SPON1: variants seen among roughly 807,000 people sequenced by gnomAD.
SPON1 encodes spondin-1.
Under a neutral mutation model 111.7 loss-of-function variants are expected in SPON1, and 52 were observed. That is an observed-to-expected ratio of 0.47 (90% confidence interval 0.37 to 0.59). SPON1 has a LOEUF of 0.59. Among genes scored for constraint, SPON1 ranks in the 20% least tolerant of loss-of-function variants. The pLI is 0.00. For missense variants in SPON1, 957 were observed against 1,068.5 expected, an observed-to-expected ratio of 0.90 and a Z score of 1.46; for synonymous variants, 410 against 395.8, an observed-to-expected ratio of 1.04 and a Z score of -0.43.
In SPON1 at chr11:14,182,319, G is replaced by A. The variant is rs538047451; in HGVS notation, c.825+46751G>A. Among the ~76,000 whole-genome samples, 10 of 152,286 alleles carry A rather than the reference G, an allele frequency of 6.6e-5. No homozygotes were observed. In the East Asian group the frequency reaches 9.6e-4, roughly 15 times the overall value. ...CCTGTAAGTCAAAATCCCATGGCGC[G>A]CTGTAGAAGACATCCCAGTAAGGCT... On this transcript the variant is annotated intron_variant, in intron 6 of 15. Transcript: ENST00000576479.
intron 6 of SPON1, among the ~76,000 whole-genome samples, chr11:14,142,426 C>T (rs1473705136): frequency 6.6e-6 from 1 of 152,202 alleles, no homozygotes; most frequent in African/African-American, 2.4e-5. Flanking sequence ...CCCCTCCTAT[C>T]CCCACTTGAC....
rs1847984931 is a variant in SPON1 at position 13,962,925 on chromosome 11, C to T, written c.21C>T (p.Pro7=). MRLSPA[P]LKLSRTPALL... ...CGAAGATGAGGCTGTCCCCGGCGCC[C>T]CTGAAGCTGAGCCGGACTCCGGCAC... The change falls in exon 1 of 16, where the codon CCC becomes CCT. Residue 7 remains proline (P), a synonymous_variant. Coordinates refer to ENST00000576479, the MANE Select transcript of SPON1 (RefSeq NM_006108.4). 3.2e-6 allele frequency: 5 copies of T among 1,559,400 alleles called. No homozygotes were observed. Among genetic ancestry groups the T allele is most frequent in the Non-Finnish European group, 4.3e-6 (5 of 1,156,454 alleles).
Position 14,260,674 on chromosome 11 carries a change from A to G in SPON1, c.1918A>G (p.Met640Val), listed in dbSNP as rs782307589. ...GAAGGGCATGCGAACCCGACAGCGGATGCTCAAGTCTCTGGCAGAACTTGG... is the reference window on the plus strand; with the variant it reads ...GAAGGGCATGCGAACCCGACAGCGGGTGCTCAAGTCTCTGGCAGAACTTGG... ...CGKGMRTRQR[M>V]LKSLAELGDC... The change falls in exon 14 of 16, where the codon ATG becomes GTG. Residue 640 changes from methionine to valine, a missense_variant. Physicochemically the swap from Met to Val is conservative, Grantham distance 21. This residue lies in a region of SPON1 where 549 missense variants were observed against 606.2 expected (regional missense o/e 0.91). Coordinates refer to ENST00000576479, the MANE Select transcript of SPON1 (RefSeq NM_006108.4). 6.2e-7 allele frequency: 1 copy of G among 1,614,014 alleles called. No individual in the cohort carries two copies. The highest frequency in any genetic ancestry group is 8.5e-7 in the Non-Finnish European group (1 of 1,179,894).
At chr11:14,016,585 GT>G (rs545186818) in intron 2 of SPON1, among the ~76,000 whole-genome samples, 5 of 151,464 alleles carry the variant, frequency 3.3e-5, no homozygotes, top group African/African-American at 1.2e-4. Flanking sequence ...CAGAGTAAGG[GT>G]TTTTTTTCTG....
At chr11:14,213,827 A>G (rs1452163418) in intron 6 of SPON1, among the ~76,000 whole-genome samples, 1 of 152,238 alleles carries the variant, frequency 6.6e-6, no homozygotes, top group Non-Finnish European at 1.5e-5. Context: ...TTTGGGTTGC[A>G]TCTTGAAATG....
At chr11:14,075,097 A>C (rs1237043041) in intron 3 of SPON1, among the ~76,000 whole-genome samples, 1 of 152,180 alleles carries the variant, frequency 6.6e-6, no homozygotes, top group Non-Finnish European at 1.5e-5. Context: ...AAAACAATTT[A>C]GTAACTAATA....
chr11:14,150,890 G>A (rs1847779784), intron 6 of SPON1, among the ~76,000 whole-genome samples: 1 of 152,196 alleles, frequency 6.6e-6, no homozygotes, highest in South Asian at 2.1e-4. Flanking sequence ...ATTCTCAGTA[G>A]ATGCTAAAAT....
chr11:14,065,416 C>T lies in SPON1; in HGVS notation c.480-9929C>T, dbSNP rs532707691. Reference sequence around the variant, plus strand: ...ATTTCCTCTTCCTTAGAGGCTGGGGCGATTATATGATTACACCCACGCCCA... The same window carrying T: ...ATTTCCTCTTCCTTAGAGGCTGGGGTGATTATATGATTACACCCACGCCCA... On this transcript the variant is annotated intron_variant, in intron 3 of 15. Coordinates refer to ENST00000576479, the MANE Select transcript of SPON1 (RefSeq NM_006108.4). Among the ~76,000 whole-genome samples, 12 of 152,214 alleles carry T rather than the reference C, an allele frequency of 7.9e-5. No homozygotes were observed. The East Asian group carries it at 1.4e-3, about 17-fold the overall frequency.
chr11:14,226,061 A>G (rs1389926609), intron 6 of SPON1, among the ~76,000 whole-genome samples: 2 of 152,228 alleles, frequency 1.3e-5, no homozygotes, highest in Non-Finnish European at 2.9e-5. Context: ...TGTATGGTTC[A>G]TAAAGTGTTC....
At chr11:14,077,789 A>C (rs921098339) in intron 4 of SPON1, among the ~76,000 whole-genome samples, 1 of 151,906 alleles carries the variant, frequency 6.6e-6, no homozygotes, top group Non-Finnish European at 1.5e-5. Context: ...CCGGCCCTGC[A>C]TACACATACT....
intron 5 of SPON1, among the ~76,000 whole-genome samples, chr11:14,131,490 T>A (rs1297613134): frequency 6.6e-6 from 1 of 152,206 alleles, no homozygotes. Flanking sequence ...TATCTATTTC[T>A]TTACATCTCT....
At chr11:14,216,792 A>C (rs1298933874) in intron 6 of SPON1, among the ~76,000 whole-genome samples, 4 of 152,222 alleles carry the variant, frequency 2.6e-5, no homozygotes, top group African/African-American at 9.6e-5. Context: ...GTTGCATTGG[A>C]AATTAAGTTT....
At position 14,254,530 on chromosome 11, in the gene SPON1, G is replaced by A. The variant is rs868967196; in HGVS notation, c.893G>A (p.Arg298Lys). The A allele has an allele frequency of 1.3e-6, 2 of 1,598,296 alleles. No individual in the cohort carries two copies. Among genetic ancestry groups the A allele is most frequent in the East Asian group, 4.5e-5 (2 of 44,782 alleles). The change falls in exon 8 of 16, where the codon AGA becomes AAA. Residue 298 changes from arginine to lysine, a missense_variant and splice_region_variant. Arg to Lys is a conservative substitution (Grantham distance 26, BLOSUM62 2). Coordinates refer to ENST00000576479, the MANE Select transcript of SPON1 (RefSeq NM_006108.4). ...QWPAWQPLNV[R>K]AAPSAEFSVD... ...TGGTCTCTGTATTTCGTTTCCAGGA[G>A]AGCAGCACCTTCAGCTGAATTTTCC... is the stretch of plus-strand genomic sequence containing the variant.
At chr11:14,045,008 C>T (rs1554917704) in intron 3 of SPON1, among the ~76,000 whole-genome samples, 2 of 152,112 alleles carry the variant, frequency 1.3e-5, no homozygotes, top group Non-Finnish European at 2.9e-5. Flanking sequence ...CTGAAACTTG[C>T]CTATTGAGCA....
intron 6 of SPON1, among the ~76,000 whole-genome samples, chr11:14,187,586 T>C (rs1263626201): frequency 5.3e-5 from 8 of 152,088 alleles, no homozygotes; most frequent in Non-Finnish European, 7.4e-5. Context: ...AGCAGTTAGT[T>C]TGGGGTCCTA....
intron 3 of SPON1, among the ~76,000 whole-genome samples, chr11:14,049,324 T>C (rs1346948573): frequency 6.6e-6 from 1 of 152,212 alleles, no homozygotes; most frequent in Non-Finnish European, 1.5e-5. Context: ...CTTCTTGCAT[T>C]ACTCTTACAG....
chr11:14,161,474 A>G (rs1446545980), intron 6 of SPON1, among the ~76,000 whole-genome samples: 4 of 150,596 alleles, frequency 2.7e-5, no homozygotes, highest in East Asian at 2.0e-4. Context: ...GCACACCATC[A>G]CACCCAGATA....
At chr11:14,220,866 G>T (rs1591416153) in intron 6 of SPON1, among the ~76,000 whole-genome samples, 1 of 152,212 alleles carries the variant, frequency 6.6e-6, no homozygotes, top group Non-Finnish European at 1.5e-5. Flanking sequence ...GAAAAATATA[G>T]CCCATTAACT....
intron 14 of SPON1, 76 bp from the exon 15 acceptor site, chr11:14,262,636 G>A: frequency 6.4e-7 from 1 of 1,572,144 alleles, no homozygotes; most frequent in Middle Eastern, 1.7e-4. Flanking sequence ...TAGGCTTGTT[G>A]AGATGTTCAA....
Sources: allele counts gnomAD v4.1 joint callset (sites outside exome capture counted in the v4.1 genomes callset), GRCh38; gene constraint gnomAD v4.1.1; regional missense constraint gnomAD v4.1.1; transcripts MANE v1.5; gene names NCBI Gene and HGNC (gene_info 2026-07-23, HGNC 2026-07-21).